Variants in FANCB observed in about 807,000 individuals in gnomAD.
FANCB encodes FA complementation group B.
A neutral mutation model predicts 38.9 loss-of-function variants in FANCB; 5 were observed. That is an observed-to-expected ratio of 0.13 (90% CI 0.07 to 0.27). FANCB has a LOEUF of 0.27. FANCB is among the 10% of genes least tolerant of loss of function. The pLI, the probability that FANCB is intolerant of heterozygous loss-of-function variation, is 1.00. For synonymous variants in FANCB, 236 were observed against 215.4 expected, an observed-to-expected ratio of 1.10 and a Z score of -0.84; for missense variants, 573 against 602.7, an observed-to-expected ratio of 0.95 and a Z score of 0.52.
chrX:14,720,949 T>C, the FANCB span, among the ~76,000 whole-genome samples: 8 of 109,256 alleles, frequency 7.3e-5, no homozygotes, highest in South Asian at 1.2e-3. Context: ...CTGGACAATA[T>C]AGTGAGACCC....
chrX:14,761,498 C>A, the FANCB span, among the ~76,000 whole-genome samples: 1 of 110,313 alleles, frequency 9.1e-6, no homozygotes, highest in Non-Finnish European at 1.9e-5. Context: ...GAAGGTACAG[C>A]ATTTCATGAT....
the FANCB span, among the ~76,000 whole-genome samples, chrX:14,795,785 C>T: frequency 9.0e-6 from 1 of 111,691 alleles, no homozygotes; most frequent in African/African-American, 3.3e-5. Flanking sequence ...ACAGAATTAC[C>T]GGAGCTGGAA....
the FANCB span, among the ~76,000 whole-genome samples, chrX:14,795,280 A>G: frequency 2.9e-5 from 3 of 103,149 alleles, no homozygotes; most frequent in African/African-American, 1.3e-4. Flanking sequence ...GACACTAGCA[A>G]ACAGTAACTA....
In FANCB at chrX:14,853,157, GA is replaced by G; in HGVS notation, c.1207del (p.Ser403LeufsTer24). ...PLETGLKVCF[S>X]SFRELRQHLL... ...ATGCTGCCGTAATTCCCGAAAAGAA[GA>G]AAAACAAACCTGTAAAGTAGAAAGA... On this transcript the variant is annotated frameshift_variant, in exon 6 of 10. Transcript: ENST00000650831. LOFTEE classifies it high-confidence loss of function. The G allele has an allele frequency of 8.3e-7, 1 of 1,206,011 alleles. No individual in the cohort carries two copies. The highest frequency in any genetic ancestry group is 1.1e-6 in the Non-Finnish European group (1 of 891,649).
the FANCB span, among the ~76,000 whole-genome samples, chrX:14,696,993 T>C: frequency 1.8e-5 from 2 of 111,497 alleles, no homozygotes; most frequent in African/African-American, 6.5e-5. Flanking sequence ...TCACCGATGG[T>C]TGAATTTTGA....
chrX:14,717,205 C>G, the FANCB span, among the ~76,000 whole-genome samples: 6 of 110,211 alleles, frequency 5.4e-5, no homozygotes, highest in Non-Finnish European at 7.6e-5. Flanking sequence ...ACTGGGGGCA[C>G]CCTCCAAGTG....
the FANCB span, among the ~76,000 whole-genome samples, chrX:14,803,223 T>A: frequency 1.6e-3 from 184 of 112,303 alleles, 1 homozygote; most frequent in Non-Finnish European, 3.0e-3. Context: ...ACCAGGGTCC[T>A]GATCTCACAA....
the FANCB span, among the ~76,000 whole-genome samples, chrX:14,799,649 G>A: frequency 2.0e-4 from 22 of 112,018 alleles, no homozygotes; most frequent in Non-Finnish European, 3.8e-4. Context: ...CGTTAAAGGT[G>A]ACAGGGTTCA....
At chrX:14,847,923 A>G (rs965087372) in intron 7 of FANCB, among the ~76,000 whole-genome samples, 2 of 112,240 alleles carry the variant, frequency 1.8e-5, no homozygotes, top group Non-Finnish European at 3.8e-5. Context: ...ATAAATATCT[A>G]AAGAGGATCT....
chrX:14,696,917 A>T, the FANCB span, among the ~76,000 whole-genome samples: 1 of 112,055 alleles, frequency 8.9e-6, no homozygotes, highest in Non-Finnish European at 1.9e-5. Context: ...ACCAAAGTTA[A>T]GTCTTGGGGG....
the FANCB span, chrX:14,730,589 GGGGGGAGGGAGGGTCAT>G: frequency 7.2e-6 from 1 of 139,321 alleles, no homozygotes; most frequent in Non-Finnish European, 1.4e-5. Context: ...GATTGAGGGA[GGGGGGAGGGAGGGTCAT>G]GGGGGTGGGT....
At chrX:14,767,897 G>C in the FANCB span, among the ~76,000 whole-genome samples, 1 of 111,882 alleles carries the variant, frequency 8.9e-6, no homozygotes, top group East Asian at 2.8e-4. Flanking sequence ...TCAGTTTTCT[G>C]CATATGGCTA....
chrX:14,852,191 G>A (rs765415256), intron 6 of FANCB, among the ~76,000 whole-genome samples: 36 of 103,445 alleles, frequency 3.5e-4, no homozygotes, highest in African/African-American at 1.3e-3. Context: ...TTTTTGAGAC[G>A]GAGTTTCGCT....
the FANCB span, among the ~76,000 whole-genome samples, chrX:14,692,619 T>C: frequency 8.9e-6 from 1 of 111,963 alleles, no homozygotes; most frequent in Non-Finnish European, 1.9e-5. Context: ...TAAAGTTGGG[T>C]GGAATACAAG....
the FANCB span, among the ~76,000 whole-genome samples, chrX:14,759,690 A>G: frequency 5.4e-5 from 6 of 111,328 alleles, no homozygotes; most frequent in African/African-American, 1.6e-4. Context: ...AGCCAGCACT[A>G]TAAGAACTGC....
the FANCB span, among the ~76,000 whole-genome samples, chrX:14,747,618 T>C: frequency 8.9e-6 from 1 of 112,381 alleles, no homozygotes; most frequent in Non-Finnish European, 1.9e-5. Flanking sequence ...GAATCAGAAG[T>C]ACACATAGCT....
At chrX:14,850,721 G>T in intron 6 of FANCB, 47 bp from the exon 7 acceptor site, 3 of 795,765 alleles carry the variant, frequency 3.8e-6, no homozygotes, top group Non-Finnish European at 5.4e-6. Flanking sequence ...CGTACCGTCT[G>T]TAGCAAAACT....
At chrX:14,856,334 G>A (rs915907317) in intron 5 of FANCB, among the ~76,000 whole-genome samples, 3 of 111,962 alleles carry the variant, frequency 2.7e-5, no homozygotes, top group African/African-American at 9.7e-5. Context: ...TTTCCTCTGA[G>A]AAGGTTGGGT....
the FANCB span, among the ~76,000 whole-genome samples, chrX:14,775,168 T>G: frequency 2.7e-4 from 25 of 92,087 alleles, no homozygotes; most frequent in Admixed American, 4.7e-4. Context: ...ATGTTTTTTT[T>G]TTTTTTTTTT....
Sources: gnomAD v4.1 joint callset for allele counts (sites outside exome capture counted in the v4.1 genomes callset) on GRCh38, gnomAD v4.1.1 for gene constraint, MANE v1.5 for transcripts, NCBI Gene and HGNC (gene_info 2026-07-23, HGNC 2026-07-21) for gene names.